Variants in PAM16 observed in about 807,000 individuals in gnomAD.
PAM16 encodes presequence translocase associated motor 16.
PAM16 carries 11 observed loss-of-function variants against 17.9 expected under a neutral mutation model. The observed-to-expected ratio is 0.62, with a 90% CI of 0.39 to 1.02. PAM16 has a LOEUF of 1.02. Among genes scored for constraint, PAM16 ranks in the 50% least tolerant of loss-of-function variants. The pLI, the probability that PAM16 is intolerant of heterozygous loss-of-function variation, is 0.01. For missense variants in PAM16, 199 were observed against 165.4 expected, an observed-to-expected ratio of 1.20 and a Z score of -1.11; for synonymous variants, 72 against 67.4, an observed-to-expected ratio of 1.07 and a Z score of -0.34.
intron 1 of PAM16, chr16:4,348,049 G>C (rs1398942911): frequency 5.9e-5 from 9 of 152,224 alleles, no homozygotes; most frequent in Admixed American, 5.2e-4. Flanking sequence ...CCCAGGCTCT[G>C]GGTAGATAAG....
chr16:4,341,275 TCCA>T, intron 3 of PAM16, 90 bp downstream of exon 3: 1 of 1,494,960 alleles, frequency 6.7e-7, no homozygotes, highest in Non-Finnish European at 9.0e-7. Context: ...AGCTGCAGCC[TCCA>T]CATCGGACCT....
chr16:4,341,370 T>A lies in PAM16; in HGVS notation c.223A>T (p.Lys75Ter). The change falls in exon 3 of 5, where the codon AAG becomes TAG. Residue 75 changes from lysine to a stop codon, truncating the protein, a stop_gained and splice_region_variant. Coordinates refer to ENST00000318059, the MANE Select transcript of PAM16 (RefSeq NM_016069.11). LOFTEE classifies it high-confidence loss of function. ...TTGGGGTGGCCCAGTGGCCTCACCTTCTGGACCTCCTCAGGGCTCAGCTTG... is the reference window on the plus strand; with the variant it reads ...TTGGGGTGGCCCAGTGGCCTCACCTACTGGACCTCCTCAGGGCTCAGCTTG... The part of the protein sequence containing the change: ...VSKLSPEEVQ[K>*]NYEHLFKVND... The A allele has an allele frequency of 6.3e-7, 1 of 1,575,904 alleles. No individual in the cohort carries two copies. The highest frequency in any genetic ancestry group is 8.6e-7 in the Non-Finnish European group (1 of 1,160,718).
chr16:4,343,313 G>C (rs753615685), intron 1 of PAM16, 22 bp from the exon 2 acceptor site: 3 of 1,588,492 alleles, frequency 1.9e-6, no homozygotes, highest in Non-Finnish European at 2.6e-6. Context: ...GCAGGCACCC[G>C]GTTAGCAGGC....
chr16:4,340,308 G>A lies in PAM16; in HGVS notation c.*11C>T, dbSNP rs754948190. ...TTAGAGGCGGCGGGGTGGGCGGGGGGAGCCGAGCAGTCACGTATGGGGCAT... is the reference window on the plus strand; with the variant it reads ...TTAGAGGCGGCGGGGTGGGCGGGGGAAGCCGAGCAGTCACGTATGGGGCAT... On this transcript the variant is annotated 3_prime_UTR_variant, in exon 5 of 5. Transcript: ENST00000318059. The A allele has an allele frequency of 5.6e-6, 9 of 1,605,708 alleles. No individual in the cohort carries two copies. Among genetic ancestry groups the A allele is most frequent in the South Asian group, 3.3e-5 (3 of 90,970 alleles).
In PAM16 at chr16:4,343,476, T is replaced by C. The variant is rs547591678; in HGVS notation, c.4-185A>G. 129 of 1,432,100 alleles carry C rather than the reference T, an allele frequency of 9.0e-5. No homozygotes were observed. In the African/African-American group the frequency reaches 1.6e-3, roughly 18 times the overall value. 88.7% of individuals were successfully genotyped at this position (1,432,100 alleles called of 1,614,324 possible). ...AAGCTTCCATGGTGGGTGGCTTAGT[T>C]ACTCACTGGACAGGCAGGCAGGCGG... On this transcript the variant is annotated intron_variant, in intron 1 of 4. Coordinates refer to ENST00000318059, the MANE Select transcript of PAM16 (RefSeq NM_016069.11).
chr16:4,343,646 G>A, intron 1 of PAM16: 1 of 1,104,470 alleles, frequency 9.1e-7, no homozygotes, highest in Non-Finnish European at 1.2e-6. Flanking sequence ...GACAGCCCTG[G>A]ACCTGGCAGT....
chr16:4,343,203 T>C lies in PAM16; in HGVS notation c.88+4A>G, dbSNP rs375267596. On this transcript the variant is annotated splice_donor_region_variant and intron_variant, in intron 2 of 4. Coordinates refer to ENST00000318059, the MANE Select transcript of PAM16 (RefSeq NM_016069.11). ...GCCCACAGGGGAGACGGACCCATGCTTACCTGCAAACTCCTGCCGCAAGGC... is the reference window on the plus strand; with the variant it reads ...GCCCACAGGGGAGACGGACCCATGCCTACCTGCAAACTCCTGCCGCAAGGC... The C allele has an allele frequency of 6.2e-7, 1 of 1,612,222 alleles. No individual in the cohort carries two copies. The highest frequency in any genetic ancestry group is 8.5e-7 in the Non-Finnish European group (1 of 1,179,672).
At position 4,351,260 on chromosome 16, in the gene PAM16, A is replaced by G. The variant is rs1422438329; in HGVS notation, c.-26T>C. 2 of 1,466,662 alleles carry G rather than the reference A, an allele frequency of 1.4e-6. No homozygotes were observed. The highest frequency in any genetic ancestry group is 2.1e-5 in the Admixed American group (1 of 48,026). 90.9% of individuals were successfully genotyped at this position (1,466,662 alleles called of 1,614,324 possible). On this transcript the variant is annotated 5_prime_UTR_variant, in exon 1 of 5. Coordinates refer to ENST00000318059, the MANE Select transcript of PAM16 (RefSeq NM_016069.11). Reference sequence around the variant, plus strand: ...GGCAGCCGCTCTGCCTCCGGGGCTCAAACTCCGACTTCCTGGCCCCGCGGC... The same window carrying G: ...GGCAGCCGCTCTGCCTCCGGGGCTCGAACTCCGACTTCCTGGCCCCGCGGC...
At chr16:4,340,509 G>A in intron 4 of PAM16, 104 bp from the exon 5 acceptor site, 1 of 1,310,814 alleles carries the variant, frequency 7.6e-7, no homozygotes, top group South Asian at 1.3e-5. Context: ...ATTTTTTGAA[G>A]GGCAGTGGGT....
intron 1 of PAM16, among the ~76,000 whole-genome samples, chr16:4,348,929 C>G (rs888792512): frequency 4.0e-5 from 6 of 149,208 alleles, no homozygotes; most frequent in Non-Finnish European, 5.9e-5. Flanking sequence ...CAGGCGTGAG[C>G]CACCGTACCC....
chr16:4,341,328 C>T (rs1297872909), intron 3 of PAM16, 40 bp downstream of exon 3: 2 of 1,545,028 alleles, frequency 1.3e-6, no homozygotes, highest in Non-Finnish European at 1.8e-6. Context: ...ACCCTGGCAG[C>T]CTCTCCCTCT....
intron 4 of PAM16, 65 bp from the exon 5 acceptor site, chr16:4,340,470 G>A (rs943725415): frequency 3.8e-6 from 6 of 1,563,136 alleles, no homozygotes; most frequent in Non-Finnish European, 2.6e-6. Context: ...TGCCCACATG[G>A]GATGGCCTAT....
At chr16:4,347,990 C>G (rs761619364) in intron 1 of PAM16, 2 of 152,308 alleles carry the variant, frequency 1.3e-5, no homozygotes, top group African/African-American at 2.4e-5. Flanking sequence ...GGGGCTTACA[C>G]TGACTTGTGT....
In PAM16 at chr16:4,344,366, CTGT is replaced by C. The variant is rs2053706603; in HGVS notation, c.4-1078_4-1076del. Among the ~76,000 whole-genome samples, 2 of 692 alleles carry C rather than the reference CTGT, an allele frequency of 2.9e-3. 1 individual carries two copies. The highest frequency in any genetic ancestry group is 5.1e-3 in the Non-Finnish European group (2 of 396). 0.5% of individuals were successfully genotyped at this position (692 alleles called of 152,430 possible). On this transcript the variant is annotated intron_variant, in intron 1 of 4. Transcript: ENST00000318059. ...GGGTTCTGTGTGAGAAGAGGGGGTT[CTGT>C]GTGAGAGGAGGGGGTTCTGTGTGAG...
chr16:4,350,675 C>T (rs1400809021), intron 1 of PAM16, among the ~76,000 whole-genome samples: 2 of 152,202 alleles, frequency 1.3e-5, no homozygotes, highest in Non-Finnish European at 2.9e-5. Context: ...GCTGGGATTA[C>T]AGGCGTGAGC....
chr16:4,350,292 T>A (rs1196295407), intron 1 of PAM16, among the ~76,000 whole-genome samples: 1 of 150,666 alleles, frequency 6.6e-6, no homozygotes, highest in Admixed American at 6.7e-5. Flanking sequence ...CATATGTATA[T>A]ATTATGTGTG....
intron 1 of PAM16, among the ~76,000 whole-genome samples, chr16:4,350,116 T>A (rs867880986): frequency 6.6e-6 from 1 of 151,858 alleles, no homozygotes; most frequent in Non-Finnish European, 1.5e-5. Context: ...ACTTTTTTTT[T>A]CCCCCTCTTT....
chr16:4,343,325 A>C lies in PAM16; in HGVS notation c.4-34T>G, dbSNP rs377467109. The C allele has an allele frequency of 2.3e-4, 361 of 1,571,702 alleles. 4 individuals carry two copies. Among genetic ancestry groups the C allele is most frequent in the South Asian group, 1.3e-3 (116 of 86,264 alleles). On this transcript the variant is annotated intron_variant, in intron 1 of 4. Coordinates refer to ENST00000318059, the MANE Select transcript of PAM16 (RefSeq NM_016069.11). Reference sequence around the variant, plus strand: ...AAAGCAGGCACCCGGTTAGCAGGCCACTCCCTGTGGGCCCACAGAGATGGG... The same window carrying C: ...AAAGCAGGCACCCGGTTAGCAGGCCCCTCCCTGTGGGCCCACAGAGATGGG...
At chr16:4,349,284 C>T (rs2053809993) in intron 1 of PAM16, among the ~76,000 whole-genome samples, 1 of 152,040 alleles carries the variant, frequency 6.6e-6, no homozygotes, top group African/African-American at 2.4e-5. Flanking sequence ...AATATACTGT[C>T]ATGCTGGGTG....
Sources: allele counts gnomAD v4.1 joint callset (sites outside exome capture counted in the v4.1 genomes callset), GRCh38; gene constraint gnomAD v4.1.1; transcripts MANE v1.5; gene names NCBI Gene and HGNC (gene_info 2026-07-23, HGNC 2026-07-21).